PDCD10: variants seen among roughly 807,000 people sequenced by gnomAD.
PDCD10 encodes programmed cell death 10, also known as programmed cell death protein 10.
A neutral mutation model predicts 29.2 loss-of-function variants in PDCD10; 4 were observed. The ratio of observed to expected loss-of-function variants is 0.14; its 90% CI spans 0.07 to 0.31. The LOEUF (loss-of-function observed/expected upper bound fraction) is 0.31. Among genes scored for constraint, PDCD10 ranks in the 10% least tolerant of loss-of-function variants. The pLI, the probability that PDCD10 is intolerant of heterozygous loss-of-function variation, is 1.00. For synonymous variants in PDCD10, 70 were observed against 82.2 expected (o/e 0.85, Z 0.80); for missense variants, 183 against 257.9 (o/e 0.71, Z 1.99).
chr3:167,704,162 A>G (rs1721733008), intron 4 of PDCD10, among the ~76,000 whole-genome samples: 1 of 152,168 alleles, frequency 6.6e-6, no homozygotes, highest in African/African-American at 2.4e-5. Flanking sequence ...CGTTTTTTAG[A>G]CTCATGTTCT....
intron 4 of PDCD10, among the ~76,000 whole-genome samples, chr3:167,699,667 G>A (rs1179059915): frequency 1.3e-5 from 2 of 152,132 alleles, no homozygotes; most frequent in Non-Finnish European, 2.9e-5. Flanking sequence ...ATAAACCGAA[G>A]GGCAGCAACA....
chr3:167,704,686 T>C (rs973212878), intron 4 of PDCD10, 156 bp downstream of exon 4: 3 of 586,782 alleles, frequency 5.1e-6, no homozygotes, highest in East Asian at 5.8e-5. Context: ...AGTTTATCTT[T>C]TGGAAGTGTT....
chr3:167,728,206 A>C (rs935414589), intron 2 of PDCD10, among the ~76,000 whole-genome samples: 3 of 151,982 alleles, frequency 2.0e-5, no homozygotes, highest in Non-Finnish European at 4.4e-5. Context: ...AATATGGATA[A>C]AGACATAGAG....
intron 6 of PDCD10, among the ~76,000 whole-genome samples, chr3:167,692,976 C>CA (rs1313386642): frequency 2.6e-5 from 4 of 152,204 alleles, no homozygotes; most frequent in Non-Finnish European, 4.4e-5. Flanking sequence ...TCCCTTGTGA[C>CA]ACAGATTTTG....
At chr3:167,707,284 A>C (rs78261888) in intron 3 of PDCD10, among the ~76,000 whole-genome samples, 1,572 of 152,296 alleles carry the variant, frequency 0.01, 23 homozygotes, top group African/African-American at 0.036. Context: ...ATTTCATGTA[A>C]ATTTAGGAAA....
chr3:167,712,929 A>C (rs1278212453), intron 3 of PDCD10, among the ~76,000 whole-genome samples: 1 of 152,086 alleles, frequency 6.6e-6, no homozygotes, highest in Non-Finnish European at 1.5e-5. Flanking sequence ...ATATGCACCC[A>C]GTCCTGGTGT....
intron 6 of PDCD10, 87 bp from the exon 7 acceptor site, chr3:167,687,780 A>AGAGT: frequency 1.3e-6 from 1 of 747,232 alleles, no homozygotes. Flanking sequence ...AAAGAAATTA[A>AGAGT]GTACACTCTT....
intron 3 of PDCD10, among the ~76,000 whole-genome samples, chr3:167,706,744 A>G (rs768178934): frequency 2.6e-5 from 4 of 152,174 alleles, no homozygotes; most frequent in Non-Finnish European, 4.4e-5. Flanking sequence ...TCTTCCTCAT[A>G]TGGTATTGAT....
At chr3:167,702,267 C>T (rs1721520184) in intron 4 of PDCD10, among the ~76,000 whole-genome samples, 1 of 152,340 alleles carries the variant, frequency 6.6e-6, no homozygotes, top group South Asian at 2.1e-4. Context: ...AACCCCTTCT[C>T]TTCTTCCTCC....
chr3:167,720,295 A>T, intron 2 of PDCD10, 22 bp from the exon 3 acceptor site: 1 of 661,698 alleles, frequency 1.5e-6, no homozygotes, highest in South Asian at 1.7e-5. Context: ...GGAAGAAAGA[A>T]CAGAGACTTA....
intron 3 of PDCD10, among the ~76,000 whole-genome samples, chr3:167,710,422 C>T (rs1722415788): frequency 6.6e-6 from 1 of 152,090 alleles, no homozygotes; most frequent in East Asian, 1.9e-4. Context: ...CATGGCCTAG[C>T]AGAACTCCCC....
chr3:167,687,723 T>C (rs751245377), intron 6 of PDCD10, 30 bp from the exon 7 acceptor site: 4 of 1,193,706 alleles, frequency 3.4e-6, no homozygotes, highest in South Asian at 1.2e-5. Context: ...GAATATCAGC[T>C]ACATTTGAAA....
chr3:167,693,373 C>A (rs370473991), intron 6 of PDCD10, among the ~76,000 whole-genome samples: 5 of 152,152 alleles, frequency 3.3e-5, no homozygotes, highest in African/African-American at 9.7e-5. Context: ...AGTGACTTTC[C>A]AGCTTACAAC....
chr3:167,698,216 C>T (rs550281122), intron 4 of PDCD10, among the ~76,000 whole-genome samples: 6 of 152,216 alleles, frequency 3.9e-5, no homozygotes, highest in East Asian at 1.9e-4. Context: ...AGAAAATACA[C>T]GCATTTATTC....
At chr3:167,733,001 G>C (rs1474560389) in intron 2 of PDCD10, among the ~76,000 whole-genome samples, 1 of 152,042 alleles carries the variant, frequency 6.6e-6, no homozygotes, top group Non-Finnish European at 1.5e-5. Context: ...TCATTCTATA[G>C]TATCATACTT....
intron 2 of PDCD10, 90 bp downstream of exon 2, chr3:167,734,124 G>C (rs1188716591): frequency 2.6e-5 from 4 of 152,162 alleles, no homozygotes; most frequent in Non-Finnish European, 5.9e-5. Context: ...CTACGTGTGT[G>C]ACCTTGGGCA....
chr3:167,707,154 T>C (rs1722056678), intron 3 of PDCD10, among the ~76,000 whole-genome samples: 1 of 152,198 alleles, frequency 6.6e-6, no homozygotes, highest in African/African-American at 2.4e-5. Flanking sequence ...AAGAAGTCTT[T>C]ATAAACATGG....
chr3:167,701,697 T>C (rs961103382), intron 4 of PDCD10, among the ~76,000 whole-genome samples: 3 of 152,196 alleles, frequency 2.0e-5, no homozygotes, highest in Admixed American at 6.5e-5. Flanking sequence ...TCTATGGAAA[T>C]GGCTGTCAAC....
Position 167,726,347 on chromosome 3 carries a change from C to A in PDCD10, c.-116-6074G>T, listed in dbSNP as rs953605243. Among the ~76,000 whole-genome samples, 7 of 152,062 alleles carry A rather than the reference C, an allele frequency of 4.6e-5. 1 individual carries two copies. Among genetic ancestry groups the A allele is most frequent in the African/African-American group, 9.7e-5 (4 of 41,410 alleles). ...CTCCTGACCTCAGGTGATCCACCCG[C>A]CTCAGCCTCCCAAAGTGCTGGGATT... On this transcript the variant is annotated intron_variant, in intron 2 of 8. Coordinates refer to ENST00000392750, the MANE Select transcript of PDCD10 (RefSeq NM_007217.4).
Sources: allele counts gnomAD v4.1 joint callset (sites outside exome capture counted in the v4.1 genomes callset), GRCh38; gene constraint gnomAD v4.1.1; transcripts MANE v1.5; gene names NCBI Gene and HGNC (gene_info 2026-07-23, HGNC 2026-07-21).